WDR64: variants seen among roughly 807,000 people sequenced by gnomAD.
WDR64 encodes WD repeat-containing protein 64.
WDR64 carries 112 observed loss-of-function variants against 139.3 expected under a neutral mutation model. The ratio of observed to expected loss-of-function variants is 0.80; its 90% CI spans 0.69 to 0.94. WDR64 has a LOEUF of 0.94. Ranked by LOEUF, WDR64 falls within the 40% of genes least tolerant of loss-of-function variation. The pLI is 0.00. For missense variants in WDR64, 1,206 were observed against 1,293.1 expected (o/e 0.93, Z 1.03); for synonymous variants, 444 against 437.7 (o/e 1.01, Z -0.18).
At chr1:241,653,035 A>G (rs1443232050) in intron 1 of WDR64, among the ~76,000 whole-genome samples, 1 of 152,240 alleles carries the variant, frequency 6.6e-6, no homozygotes, top group African/African-American at 2.4e-5. Context: ...TAAGAAGTGC[A>G]GCTTCCTGCC....
intron 25 of WDR64, among the ~76,000 whole-genome samples, chr1:241,791,992 C>A (rs1659227630): frequency 1.3e-5 from 2 of 152,150 alleles, no homozygotes; most frequent in African/African-American, 4.8e-5. Context: ...ATTCTTTAAG[C>A]TAAGGTCTAG....
At chr1:241,796,691 G>A (rs963036041) in intron 27 of WDR64, among the ~76,000 whole-genome samples, 42 of 152,038 alleles carry the variant, frequency 2.8e-4, no homozygotes, top group Admixed American at 2.0e-3. Flanking sequence ...ATGGGGTTTC[G>A]CCTTGTTGGC....
chr1:241,793,692 T>G (rs1022497949), intron 25 of WDR64, among the ~76,000 whole-genome samples: 2 of 152,140 alleles, frequency 1.3e-5, no homozygotes, highest in Non-Finnish European at 2.9e-5. Flanking sequence ...CAGACTTAGG[T>G]TTAATTTTAG....
chr1:241,711,863 A>C lies in WDR64; in HGVS notation c.1036A>C (p.Asn346His). 1.2e-6 allele frequency: 2 copies of C among 1,614,188 alleles called. No individual in the cohort carries two copies. Among genetic ancestry groups the C allele is most frequent in the Non-Finnish European group, 1.7e-6 (2 of 1,180,034 alleles). ...ANTFCYCVKANVIVTGGDDKV... is the reference protein window; with the variant it reads ...ANTFCYCVKAHVIVTGGDDKV... The stretch of plus-strand genomic sequence containing the variant: ...CACTTTTTGCTACTGTGTTAAGGCA[A>C]ATGTGATTGTCACTGGAGGTGAGAG... The change falls in exon 9 of 28, where the codon AAT (asparagine) becomes CAT (histidine). Residue 346 changes from asparagine to histidine, a missense_variant. Asn to His is a moderately conservative substitution (Grantham distance 68, BLOSUM62 1). Transcript: ENST00000437684.
rs544569663 is a variant in WDR64 at position 241,703,730 on chromosome 1, T to G, written c.975-8072T>G. Among the ~76,000 whole-genome samples the G allele has an allele frequency of 7.2e-5, 11 of 152,150 alleles. No homozygotes were observed. The highest frequency in any genetic ancestry group is 2.1e-4 in the South Asian group (1 of 4,826). ...CTGCTATAAAGATACTATCTGAGAC[T>G]CAATAATTTGTAAAGGAAAGAGGTT... On this transcript the variant is annotated intron_variant, in intron 8 of 27. Coordinates refer to ENST00000437684, the MANE Select transcript of WDR64 (RefSeq NM_001367482.1). The surrounding 1 kb of genome is among the most constrained non-coding windows in gnomAD (Gnocchi z 5.9).
chr1:241,689,563 C>T (rs372531432), intron 8 of WDR64, among the ~76,000 whole-genome samples: 145 of 152,180 alleles, frequency 9.5e-4, no homozygotes, highest in African/African-American at 3.4e-3. Flanking sequence ...TGCAGATGCA[C>T]CTAACAACAG....
At chr1:241,762,933 A>G (rs1657988344) in intron 15 of WDR64, among the ~76,000 whole-genome samples, 1 of 152,208 alleles carries the variant, frequency 6.6e-6, no homozygotes, top group Non-Finnish European at 1.5e-5. Context: ...AGTTTAAATG[A>G]TAAGTAGGTT....
At chr1:241,789,152 A>G (rs1659142090) in intron 24 of WDR64, among the ~76,000 whole-genome samples, 1 of 152,108 alleles carries the variant, frequency 6.6e-6, no homozygotes, top group Non-Finnish European at 1.5e-5. Flanking sequence ...CAGAGGGAGC[A>G]GATGTGAATG....
At chr1:241,728,562 C>A (rs1349204916) in intron 10 of WDR64, among the ~76,000 whole-genome samples, 1 of 152,266 alleles carries the variant, frequency 6.6e-6, no homozygotes, top group South Asian at 2.1e-4. Flanking sequence ...GATTTTTATT[C>A]TTTCTCCTAA....
At position 241,796,364 on chromosome 1, in the gene WDR64, T is replaced by G; in HGVS notation, c.3186T>G (p.Arg1062=). The G allele has an allele frequency of 6.2e-7, 1 of 1,609,926 alleles. No individual in the cohort carries two copies. The highest frequency in any genetic ancestry group is 8.5e-7 in the Non-Finnish European group (1 of 1,176,920). ...TGKKKGGHVQ[R]EKAPRRRSLK... Reference sequence around the variant, plus strand: ...AGAAGAAGGGAGGTCATGTTCAACGTGAAAAAGTAAGTTAGTACTAATTCC... The same window carrying G: ...AGAAGAAGGGAGGTCATGTTCAACGGGAAAAAGTAAGTTAGTACTAATTCC... The change falls in exon 27 of 28, where the codon CGT becomes CGG. Residue 1062 remains arginine, a synonymous_variant. Transcript: ENST00000437684.
At chr1:241,757,945 T>G (rs1033611149) in intron 15 of WDR64, among the ~76,000 whole-genome samples, 2 of 152,328 alleles carry the variant, frequency 1.3e-5, no homozygotes, top group African/African-American at 4.8e-5. Context: ...CATCACATAT[T>G]CATTCAGTGT....
Position 241,792,261 on chromosome 1 carries a change from G to A in WDR64, c.2997+1565G>A, listed in dbSNP as rs577801258. Among the ~76,000 whole-genome samples the A allele has an allele frequency of 1.1e-3, 166 of 152,338 alleles. 3 individuals are homozygous for A. The highest frequency in any genetic ancestry group is 1.4e-3 in the Non-Finnish European group (96 of 68,036). ...AGGAAGGTTAGTATACAGGGGCCGG[G>A]TGCGGTGGCTCACGCCTGTAATCCC... On this transcript the variant is annotated intron_variant, in intron 25 of 27. Coordinates refer to ENST00000437684, the MANE Select transcript of WDR64 (RefSeq NM_001367482.1).
At chr1:241,683,410 T>C in intron 6 of WDR64, 77 bp from the exon 7 acceptor site, 1 of 1,414,936 alleles carries the variant, frequency 7.1e-7, no homozygotes, top group Non-Finnish European at 9.6e-7. Flanking sequence ...AAAGTGAAAT[T>C]TTTGTCAAAT....
intron 1 of WDR64, among the ~76,000 whole-genome samples, chr1:241,658,383 T>G (rs1262889748): frequency 1.3e-5 from 2 of 151,788 alleles, no homozygotes; most frequent in African/African-American, 2.4e-5. Flanking sequence ...ACATCTGTAA[T>G]CCCAGCACTT....
At position 241,801,184 on chromosome 1, in the gene WDR64, C is replaced by T. The variant is rs746709056; in HGVS notation, c.3245C>T (p.Ala1082Val). The T allele has an allele frequency of 1.2e-6, 2 of 1,613,816 alleles. No homozygotes were observed. Among genetic ancestry groups the T allele is most frequent in the South Asian group, 2.2e-5 (2 of 91,044 alleles). The part of the protein sequence containing the change: ...KKNLVPQINL[A>V]SSFFPAIPK ...AATTTAGTCCCACAAATAAATCTGG[C>T]TTCTTCCTTCTTCCCAGCTATACCC... Residue 1082 changes from alanine to valine, a missense_variant, in exon 28 of 28, where the codon GCT becomes GTT. Transcript: ENST00000437684.
chr1:241,741,269 G>A (rs921045088), intron 11 of WDR64, among the ~76,000 whole-genome samples: 2 of 152,200 alleles, frequency 1.3e-5, no homozygotes, highest in African/African-American at 4.8e-5. Flanking sequence ...AGTCCAAATG[G>A]CCTGCACTTG....
intron 8 of WDR64, among the ~76,000 whole-genome samples, chr1:241,698,812 G>C (rs1667594300): frequency 6.6e-6 from 1 of 152,112 alleles, no homozygotes; most frequent in African/African-American, 2.4e-5. Context: ...TTTTCATGCT[G>C]TATTAGTCCA....
At chr1:241,660,250 C>G (rs1357740849) in intron 1 of WDR64, among the ~76,000 whole-genome samples, 1 of 152,120 alleles carries the variant, frequency 6.6e-6, no homozygotes, top group Non-Finnish European at 1.5e-5. Flanking sequence ...TTTGGGTTCT[C>G]TATTCTGTTC....
chr1:241,725,363 G>A (rs1056574313), intron 10 of WDR64, among the ~76,000 whole-genome samples: 2 of 151,490 alleles, frequency 1.3e-5, no homozygotes, highest in African/African-American at 4.9e-5. Flanking sequence ...ATGAAAGAGG[G>A]AAGGGAAGGG....
Sources: allele counts gnomAD v4.1 joint callset (sites outside exome capture counted in the v4.1 genomes callset), GRCh38; gene constraint gnomAD v4.1.1; non-coding constraint Gnocchi (gnomAD v3.1); transcripts MANE v1.5; gene names NCBI Gene and HGNC (gene_info 2026-07-23, HGNC 2026-07-21).